The following TRIO variants were observed in gnomAD, a reference collection of about 807,000 sequenced individuals.
TRIO encodes triple functional domain protein.
Under a neutral mutation model 351.9 loss-of-function variants are expected in TRIO, and 58 were observed. That is an observed-to-expected ratio of 0.16 (90% CI 0.13 to 0.21). The LOEUF is 0.21. Ranked by LOEUF, TRIO falls within the 10% of genes least tolerant of loss-of-function variation. The pLI is 1.00. For missense variants in TRIO, 3,201 were observed against 4,027.8 expected (o/e 0.79, Z 5.56); for synonymous variants, 1,758 against 1,595.7 (o/e 1.10, Z -2.42).
chr5:14,282,875 G>A (rs997916822), intron 3 of TRIO, among the ~76,000 whole-genome samples: 1 of 152,088 alleles, frequency 6.6e-6, no homozygotes, highest in Admixed American at 6.6e-5. Flanking sequence ...GCTTGTCCTC[G>A]ATTAATGAGC....
intron 34 of TRIO, among the ~76,000 whole-genome samples, chr5:14,450,786 G>A (rs1231103304): frequency 1.3e-5 from 2 of 152,176 alleles, no homozygotes; most frequent in African/African-American, 4.8e-5. Flanking sequence ...AACAGTTGCA[G>A]CCCAGAATAA....
chr5:14,436,376 G>T (rs1439930705), intron 34 of TRIO, among the ~76,000 whole-genome samples: 2 of 152,182 alleles, frequency 1.3e-5, no homozygotes, highest in East Asian at 3.9e-4. Context: ...TTCCCACCAG[G>T]TCCCTCCCAC....
chr5:14,493,994 G>C (rs1432268834), intron 49 of TRIO, among the ~76,000 whole-genome samples: 1 of 152,200 alleles, frequency 6.6e-6, no homozygotes, highest in Non-Finnish European at 1.5e-5. Flanking sequence ...AGATGAGGAA[G>C]CTGCAGAAGA....
rs781504120 is a variant in TRIO at position 14,479,318 on chromosome 5, A to G, written c.6211A>G (p.Ile2071Val). 7.4e-6 allele frequency: 12 copies of G among 1,613,820 alleles called. 1 individual carries two copies. The South Asian group carries it at 8.8e-5, about 12-fold the overall frequency. ...YCQNKPKSEH[I>V]VSEYIDTFFE... ...TCAAAATAAACCAAAGTCTGAGCACATTGTCTCAGAATACATTGATACCTT... is the reference window on the plus strand; with the variant it reads ...TCAAAATAAACCAAAGTCTGAGCACGTTGTCTCAGAATACATTGATACCTT... The change falls in exon 42 of 57, where the codon ATT becomes GTT. Residue 2071 changes from isoleucine to valine, a missense_variant. By Grantham distance (29) the Ile-to-Val change is conservative. This residue lies in a region of TRIO where 307 missense variants were observed against 396.5 expected (regional missense o/e 0.77). Coordinates refer to ENST00000344204, the MANE Select transcript of TRIO (RefSeq NM_007118.4).
At chr5:14,348,755 G>T (rs984886421) in intron 11 of TRIO, among the ~76,000 whole-genome samples, 8 of 150,630 alleles carry the variant, frequency 5.3e-5, no homozygotes, top group Admixed American at 4.6e-4. Flanking sequence ...GTGTGTGTAC[G>T]CACATGAGCA....
rs999274131 is a variant in TRIO, at chr5:14,391,122, G to A, written c.4218+132G>A. 6.2e-6 allele frequency: 4 copies of A among 643,312 alleles called. No individual in the cohort carries two copies. The African/African-American group carries it at 7.6e-5, about 12-fold the overall frequency. 39.9% of individuals were successfully genotyped at this position (643,312 alleles called of 1,614,324 possible). A position where few individuals can be genotyped will look rare whatever the true frequency, so the allele number is the denominator to read the frequency against. On this transcript the variant is annotated intron_variant, in intron 27 of 56. Transcript: ENST00000344204. ...GTCTATCATTTTTGTCTATCATTTT[G>A]TCTATCATGTCTATTGGGCTATTCT...
rs180967625 is a variant in TRIO at position 14,187,830 on chromosome 5, T to A, written c.157+43948T>A. ...TTACAAAACAATGACAAAATGAGAC[T>A]TATGGGAGGGGAGGAAGGAATTATT... On this transcript the variant is annotated intron_variant, in intron 1 of 56. Coordinates refer to ENST00000344204, the MANE Select transcript of TRIO (RefSeq NM_007118.4). Among the ~76,000 whole-genome samples the A allele has an allele frequency of 2.8e-3, 400 of 140,866 alleles. 1 individual carries two copies. Among genetic ancestry groups the A allele is most frequent in the African/African-American group, 0.012 (383 of 30,728 alleles). The allele number at this position is 140,866 out of a possible 152,430, so 92.4% of individuals were successfully genotyped here. A position where few individuals can be genotyped will look rare whatever the true frequency, so the allele number is the denominator to read the frequency against.
At chr5:14,146,650 C>T (rs188747423) in intron 1 of TRIO, among the ~76,000 whole-genome samples, 2 of 152,224 alleles carry the variant, frequency 1.3e-5, no homozygotes, top group Non-Finnish European at 1.5e-5. Flanking sequence ...GGTGCTGTCA[C>T]CTGGCAGGGT....
intron 1 of TRIO, among the ~76,000 whole-genome samples, chr5:14,208,805 A>G (rs1257007917): frequency 6.6e-6 from 1 of 152,176 alleles, no homozygotes; most frequent in African/African-American, 2.4e-5. Context: ...TCTGTACCTC[A>G]CTTCTATTTT....
chr5:14,418,833 A>G (rs1749861629), intron 33 of TRIO: 1 of 152,388 alleles, frequency 6.6e-6, no homozygotes, highest in African/African-American at 2.4e-5. Flanking sequence ...ATTCTTAGGT[A>G]GGAGGGATGT....
intron 1 of TRIO, among the ~76,000 whole-genome samples, chr5:14,159,321 CAAAAA>C (rs34735917): frequency 2.8e-5 from 4 of 140,438 alleles, no homozygotes; most frequent in African/African-American, 5.1e-5. Context: ...AAATCGCAGT[CAAAAA>C]AAAAAAAAAA....
chr5:14,150,467 T>C (rs1178764769), intron 1 of TRIO, among the ~76,000 whole-genome samples: 1 of 151,924 alleles, frequency 6.6e-6, no homozygotes, highest in Non-Finnish European at 1.5e-5. Context: ...TATTTTAAAA[T>C]GTGACATTAA....
chr5:14,211,993 A>C (rs1165485267), intron 1 of TRIO, among the ~76,000 whole-genome samples: 1 of 151,682 alleles, frequency 6.6e-6, no homozygotes, highest in Non-Finnish European at 1.5e-5. Context: ...AAACAAAAAA[A>C]CCAGGCATGG....
chr5:14,470,657 A>G (rs1292469324), intron 37 of TRIO, among the ~76,000 whole-genome samples: 2 of 152,268 alleles, frequency 1.3e-5, no homozygotes, highest in East Asian at 1.9e-4. Flanking sequence ...ACAATCACCT[A>G]TAGAAACCAA....
At chr5:14,431,341 A>G (rs1751116141) in intron 34 of TRIO, among the ~76,000 whole-genome samples, 1 of 152,194 alleles carries the variant, frequency 6.6e-6, no homozygotes, top group Non-Finnish European at 1.5e-5. Flanking sequence ...AGGGGGCATC[A>G]TCTTCCCGAA....
chr5:14,414,661 C>G (rs955369898), intron 33 of TRIO, among the ~76,000 whole-genome samples: 1 of 152,064 alleles, frequency 6.6e-6, no homozygotes, highest in African/African-American at 2.4e-5. Context: ...TTACCGTCTT[C>G]ACCATTTTTA....
chr5:14,423,322 C>T (rs1750338265), intron 34 of TRIO, among the ~76,000 whole-genome samples: 1 of 152,244 alleles, frequency 6.6e-6, no homozygotes, highest in Non-Finnish European at 1.5e-5. Context: ...CTCTTCCACT[C>T]GAGTGTGTAG....
At chr5:14,333,301 G>A (rs1308616860) in intron 10 of TRIO, among the ~76,000 whole-genome samples, 1 of 152,186 alleles carries the variant, frequency 6.6e-6, no homozygotes, top group Admixed American at 6.5e-5. Flanking sequence ...TAGCGTTTGT[G>A]GTGCTGCTTA....
chr5:14,178,434 G>GC (rs1336554160), intron 1 of TRIO, among the ~76,000 whole-genome samples: 2 of 152,244 alleles, frequency 1.3e-5, no homozygotes, highest in East Asian at 3.8e-4. Flanking sequence ...CCTTGTGCCT[G>GC]CCTGGTATTA....
Sources: allele counts gnomAD v4.1 joint callset (sites outside exome capture counted in the v4.1 genomes callset), GRCh38; gene constraint gnomAD v4.1.1; regional missense constraint gnomAD v4.1.1; transcripts MANE v1.5; gene names NCBI Gene and HGNC (gene_info 2026-07-23, HGNC 2026-07-21).